The following IL1RAP variants were observed in gnomAD, a reference collection of about 807,000 sequenced individuals.
IL1RAP encodes the protein interleukin-1 receptor accessory protein.
IL1RAP carries 35 observed loss-of-function variants against 60.7 expected under a neutral mutation model. The observed-to-expected ratio is 0.58, with a 90% CI of 0.44 to 0.76. The LOEUF (loss-of-function observed/expected upper bound fraction) is 0.76. Ranked by LOEUF, IL1RAP falls within the 30% of genes least tolerant of loss-of-function variation. The probability of loss-of-function intolerance (pLI) is 0.00; values close to 1 mark genes in which losing one functional copy is unlikely to be tolerated. For synonymous variants in IL1RAP, 268 were observed against 250.9 expected (o/e 1.07, Z -0.64); for missense variants, 572 against 693.9 (o/e 0.82, Z 1.97).
intron 1 of IL1RAP, among the ~76,000 whole-genome samples, chr3:190,551,347 A>G (rs1343491471): frequency 6.6e-6 from 1 of 152,234 alleles, no homozygotes; most frequent in African/African-American, 2.4e-5. Context: ...ATGGATGCTT[A>G]TTGTACTGAT....
chr3:190,570,524 A>T (rs1340305585), intron 3 of IL1RAP, among the ~76,000 whole-genome samples: 1 of 150,398 alleles, frequency 6.6e-6, no homozygotes, highest in Non-Finnish European at 1.5e-5. Context: ...CCATCAGCCC[A>T]TTTTTTTTTA....
At chr3:190,520,706 A>G (rs1031835512) in intron 1 of IL1RAP, 1 of 152,232 alleles carries the variant, frequency 6.6e-6, no homozygotes, top group African/African-American at 2.4e-5. Flanking sequence ...GAACATGAGA[A>G]CAGGTAACCT....
rs1048835937 is a variant in IL1RAP at position 190,649,341 on chromosome 3, C to T, written c.*636C>T. On this transcript the variant is annotated 3_prime_UTR_variant, in exon 12 of 12. Coordinates refer to ENST00000447382, the MANE Select transcript of IL1RAP (RefSeq NM_002182.4). ...CCTCATCTCAGGTAATTTATGAAAT[C>T]TATGTAAACTTGAAAAATATTTCTT... The T allele has an allele frequency of 1.4e-4, 137 of 984,776 alleles. No individual in the cohort carries two copies. Among genetic ancestry groups the T allele is most frequent in the Non-Finnish European group, 1.6e-4 (129 of 829,068 alleles). 61.0% of individuals were successfully genotyped at this position (984,776 alleles called of 1,614,324 possible).
At chr3:190,578,098 C>T (rs4263268) in intron 3 of IL1RAP, among the ~76,000 whole-genome samples, 5 of 152,022 alleles carry the variant, frequency 3.3e-5, no homozygotes, top group Non-Finnish European at 5.9e-5. Context: ...AACTACCTAT[C>T]GGGTATCTAT....
At chr3:190,632,447 A>T (rs1732863919) in intron 9 of IL1RAP, among the ~76,000 whole-genome samples, 1 of 152,140 alleles carries the variant, frequency 6.6e-6, no homozygotes, top group South Asian at 2.1e-4. Flanking sequence ...GTTACTGGTC[A>T]TTTGTTTTTA....
chr3:190,585,067 T>G (rs1260262577), intron 3 of IL1RAP, among the ~76,000 whole-genome samples: 1 of 152,178 alleles, frequency 6.6e-6, no homozygotes, highest in Non-Finnish European at 1.5e-5. Context: ...GTGTTGTCAC[T>G]CATTGAGGTT....
intron 1 of IL1RAP, among the ~76,000 whole-genome samples, chr3:190,533,529 G>A (rs1268605377): frequency 6.6e-6 from 1 of 152,044 alleles, no homozygotes; most frequent in Non-Finnish European, 1.5e-5. Context: ...ACAACTACTC[G>A]ATTTAAGAAG....
intron 11 of IL1RAP, among the ~76,000 whole-genome samples, chr3:190,648,032 C>T (rs1291155829): frequency 2.0e-5 from 3 of 152,114 alleles, no homozygotes; most frequent in African/African-American, 7.2e-5. Flanking sequence ...TGTGTCTACT[C>T]CTTGTGTCTC....
At chr3:190,606,097 G>T (rs573881563) in intron 4 of IL1RAP, among the ~76,000 whole-genome samples, 3 of 152,092 alleles carry the variant, frequency 2.0e-5, no homozygotes, top group African/African-American at 7.2e-5. Context: ...CAGGTAAGGG[G>T]GATCCCTGTA....
intron 3 of IL1RAP, among the ~76,000 whole-genome samples, chr3:190,591,473 C>T (rs562777658): frequency 1.3e-5 from 2 of 152,114 alleles, no homozygotes; most frequent in Admixed American, 1.3e-4. Flanking sequence ...TGTCCTCTCT[C>T]GACTGCATTC....
chr3:190,565,179 G>GAAAC (rs571331742), intron 3 of IL1RAP, among the ~76,000 whole-genome samples: 165 of 146,486 alleles, frequency 1.1e-3, no homozygotes, highest in Middle Eastern at 3.6e-3. Flanking sequence ...AAAAAAAAAA[G>GAAAC]AAACAAACAA....
chr3:190,535,185 A>G (rs1015608153), intron 1 of IL1RAP, among the ~76,000 whole-genome samples: 8 of 152,106 alleles, frequency 5.3e-5, no homozygotes, highest in African/African-American at 1.9e-4. Flanking sequence ...TGACATATCA[A>G]CCCTGCGGCC....
intron 3 of IL1RAP, among the ~76,000 whole-genome samples, chr3:190,587,873 C>A (rs1272961076): frequency 6.6e-6 from 1 of 152,216 alleles, no homozygotes; most frequent in East Asian, 1.9e-4. Context: ...AATTCACTCT[C>A]TGAACCTCTC....
chr3:190,611,391 A>G (rs1310179323), intron 5 of IL1RAP, among the ~76,000 whole-genome samples: 1 of 152,230 alleles, frequency 6.6e-6, no homozygotes, highest in African/African-American at 2.4e-5. Context: ...TATGTCATCC[A>G]TAAAATCCAG....
chr3:190,532,420 G>A (rs1018717785), intron 1 of IL1RAP, among the ~76,000 whole-genome samples: 9 of 151,854 alleles, frequency 5.9e-5, no homozygotes, highest in East Asian at 1.9e-4. Context: ...CCGCCACCAC[G>A]CCCTGCTAAT....
chr3:190,558,147 A>AT (rs1725584506), intron 2 of IL1RAP, among the ~76,000 whole-genome samples: 1 of 152,108 alleles, frequency 6.6e-6, no homozygotes, highest in Non-Finnish European at 1.5e-5. Flanking sequence ...GTATTATTCT[A>AT]TTTTTTTGGA....
rs200444009 is a variant in IL1RAP at position 190,650,060 on chromosome 3, A to AAT, written c.*1371_*1372dup. On this transcript the variant is annotated 3_prime_UTR_variant, in exon 12 of 12. Coordinates refer to ENST00000447382, the MANE Select transcript of IL1RAP (RefSeq NM_002182.4). ...TGTATATAAATCCACATGCACATGA[A>AAT]ATATATATATATATATAATTTGTGT... 7.6e-3 allele frequency: 4,436 copies of AAT among 582,692 alleles called. 1 individual carries two copies. Among genetic ancestry groups the AAT allele is most frequent in the Middle Eastern group, 0.012 (13 of 1,120 alleles). 36.1% of individuals were successfully genotyped at this position (582,692 alleles called of 1,614,324 possible). A position where few individuals can be genotyped will look rare whatever the true frequency, so the allele number is the denominator to read the frequency against.
chr3:190,624,528 C>T lies in IL1RAP; in HGVS notation c.775+1113C>T, dbSNP rs1252527511. 3 of 152,042 alleles carry T rather than the reference C, an allele frequency of 2.0e-5. No homozygotes were observed. The East Asian group carries it at 5.8e-4, about 29-fold the overall frequency. 9.4% of individuals were successfully genotyped at this position (152,042 alleles called of 1,614,324 possible). A position where few individuals can be genotyped will look rare whatever the true frequency, so the allele number is the denominator to read the frequency against. On this transcript the variant is annotated intron_variant, in intron 7 of 11. Transcript: ENST00000447382. ...ACTCCATTTTGACTCTGACAGCTTT[C>T]ACAGAGGTATAAAAGAGCATCTGTT... is the stretch of plus-strand genomic sequence containing the variant.
chr3:190,634,520 G>A (rs776690112), intron 9 of IL1RAP, among the ~76,000 whole-genome samples: 4 of 151,912 alleles, frequency 2.6e-5, no homozygotes, highest in Non-Finnish European at 5.9e-5. Context: ...GTTCATGAAG[G>A]ATATTGGTTT....
Sources: allele counts gnomAD v4.1 joint callset (sites outside exome capture counted in the v4.1 genomes callset), GRCh38; gene constraint gnomAD v4.1.1; transcripts MANE v1.5; gene names NCBI Gene and HGNC (gene_info 2026-07-23, HGNC 2026-07-21).